Variants in NLGN1 observed in about 807,000 individuals in gnomAD.
NLGN1 encodes neuroligin 1.
In NLGN1, 12 loss-of-function variants were observed where a neutral mutation model predicts 65.5. The ratio of observed to expected loss-of-function variants is 0.18; its 90% CI spans 0.12 to 0.30. The LOEUF (loss-of-function observed/expected upper bound fraction) is 0.30, where lower values mean the gene tolerates loss of function less well. NLGN1 is among the 10% of genes least tolerant of loss of function. NLGN1 has a pLI of 1.00. For missense variants in NLGN1, 750 were observed against 1,007.1 expected (o/e 0.74, Z 3.46); for synonymous variants, 350 against 359.5 (o/e 0.97, Z 0.30).
intron 3 of NLGN1, among the ~76,000 whole-genome samples, chr3:173,655,696 A>G (rs1224831676): frequency 6.6e-6 from 1 of 152,042 alleles, no homozygotes; most frequent in Non-Finnish European, 1.5e-5. Context: ...TACCCTACCT[A>G]CATCTCAAAT....
rs71162383 is a variant in NLGN1, at chr3:174,255,435, C to CA, written c.647-19859dup. Among the ~76,000 whole-genome samples, 400 of 70,130 alleles carry CA rather than the reference C, an allele frequency of 5.7e-3. 14 individuals are homozygous for CA. Among genetic ancestry groups the CA allele is most frequent in the Non-Finnish European group, 6.5e-3 (278 of 42,518 alleles). 46.0% of individuals were successfully genotyped at this position (70,130 alleles called of 152,430 possible). ...TAGGCGATAGAGCAAGACTCTGTCT[C>CA]AAAAAAAAAAAAAAAAAAAAAGCGC... On this transcript the variant is annotated intron_variant, in intron 4 of 6. Transcript: ENST00000457714.
At chr3:173,669,269 A>G (rs545437924) in intron 3 of NLGN1, among the ~76,000 whole-genome samples, 7 of 152,294 alleles carry the variant, frequency 4.6e-5, no homozygotes, top group Non-Finnish European at 8.8e-5. Flanking sequence ...TATTGTTTCT[A>G]TTAGTTTCCC....
intron 4 of NLGN1, among the ~76,000 whole-genome samples, chr3:174,224,470 G>T (rs368104758): frequency 6.6e-6 from 1 of 152,140 alleles, no homozygotes; most frequent in African/African-American, 2.4e-5. Flanking sequence ...AGGCCGAGGC[G>T]GGTAGATCAC....
intron 3 of NLGN1, among the ~76,000 whole-genome samples, chr3:173,700,986 G>A (rs2861335): frequency 0.51 from 78,084 of 151,720 alleles, 21,410 homozygotes; most frequent in East Asian, 0.77. Flanking sequence ...TTAGCTGGGC[G>A]TGGTGGCGGG....
intron 4 of NLGN1, among the ~76,000 whole-genome samples, chr3:174,056,416 A>G (rs1412107079): frequency 2.0e-5 from 3 of 151,830 alleles, no homozygotes; most frequent in Admixed American, 6.6e-5. Context: ...ATTGAATTGT[A>G]TGTCATATAA....
chr3:173,861,334 A>C (rs1305785256), intron 4 of NLGN1, among the ~76,000 whole-genome samples: 13 of 152,030 alleles, frequency 8.6e-5, no homozygotes, highest in Admixed American at 8.5e-4. Context: ...ATAAGCCTTA[A>C]AATCCTTATG....
chr3:173,732,403 G>A (rs1772996982), intron 3 of NLGN1, among the ~76,000 whole-genome samples: 1 of 152,140 alleles, frequency 6.6e-6, no homozygotes, highest in African/African-American at 2.4e-5. Context: ...AGGATACACA[G>A]TTAATGTAGC....
intron 2 of NLGN1, among the ~76,000 whole-genome samples, chr3:173,538,668 G>A (rs1047256559): frequency 1.3e-5 from 2 of 152,178 alleles, no homozygotes; most frequent in South Asian, 2.1e-4. Flanking sequence ...TGGGAGATTA[G>A]GCTATCAGTG....
At chr3:174,168,794 A>T (rs1561206069) in intron 4 of NLGN1, among the ~76,000 whole-genome samples, 1 of 152,196 alleles carries the variant, frequency 6.6e-6, no homozygotes, top group African/African-American at 2.4e-5. Context: ...GATGGCAGGC[A>T]TAGTATTAGC....
intron 2 of NLGN1, among the ~76,000 whole-genome samples, chr3:173,583,567 C>T (rs141645596): frequency 5.3e-5 from 8 of 152,268 alleles, no homozygotes; most frequent in Non-Finnish European, 1.0e-4. Flanking sequence ...GAACCCCTCA[C>T]AATGAAAGAG....
At chr3:174,071,054 C>A (rs1739740897) in intron 4 of NLGN1, among the ~76,000 whole-genome samples, 1 of 151,766 alleles carries the variant, frequency 6.6e-6, no homozygotes, top group Non-Finnish European at 1.5e-5. Context: ...GACCTTGTCT[C>A]AAAATAAATA....
At chr3:174,261,714 AACAC>A (rs1356325136) in intron 4 of NLGN1, among the ~76,000 whole-genome samples, 1 of 140,850 alleles carries the variant, frequency 7.1e-6, no homozygotes, top group East Asian at 2.9e-4. Flanking sequence ...CAGAACTTCC[AACAC>A]TATTGAATAG....
intron 2 of NLGN1, among the ~76,000 whole-genome samples, chr3:173,437,535 C>G (rs1718357882): frequency 6.6e-6 from 1 of 152,192 alleles, no homozygotes; most frequent in Non-Finnish European, 1.5e-5. Context: ...GACATTGTGT[C>G]TAATCTCAGT....
chr3:173,925,935 A>G (rs971678705), intron 4 of NLGN1, among the ~76,000 whole-genome samples: 38 of 151,990 alleles, frequency 2.5e-4, no homozygotes, highest in African/African-American at 8.2e-4. Flanking sequence ...GAAAGCAAAG[A>G]TTTTCAAAAA....
At chr3:173,418,895 C>G (rs187347762) in intron 1 of NLGN1, among the ~76,000 whole-genome samples, 135 of 151,382 alleles carry the variant, frequency 8.9e-4, no homozygotes, top group African/African-American at 3.1e-3. Flanking sequence ...AACTCACAGG[C>G]CCTGGGCCAC....
At chr3:174,266,722 T>G (rs1305613358) in intron 4 of NLGN1, among the ~76,000 whole-genome samples, 1 of 152,214 alleles carries the variant, frequency 6.6e-6, no homozygotes, top group African/African-American at 2.4e-5. Flanking sequence ...GCATGTTATT[T>G]TTTGAACATA....
At chr3:173,400,528 T>C (rs1177653273) in intron 1 of NLGN1, among the ~76,000 whole-genome samples, 3 of 152,192 alleles carry the variant, frequency 2.0e-5, no homozygotes, top group Admixed American at 1.3e-4. Context: ...TCTTTCTTCA[T>C]TGATCCATTC....
At position 174,241,715 on chromosome 3, in the gene NLGN1, A is replaced by T. The variant is rs560821089; in HGVS notation, c.647-33600A>T. On this transcript the variant is annotated intron_variant, in intron 4 of 6. Transcript: ENST00000457714. ...GTCCCCCAGGCTGGAGTGCAGTGGC[A>T]CGATCTCGGCTCACTGCAAGCTCCG... is the stretch of plus-strand genomic sequence containing the variant. Among the ~76,000 whole-genome samples the T allele has an allele frequency of 1.4e-3, 212 of 149,534 alleles. 1 individual carries two copies. Among genetic ancestry groups the T allele is most frequent in the African/African-American group, 5.0e-3 (203 of 40,496 alleles).
intron 3 of NLGN1, among the ~76,000 whole-genome samples, chr3:173,615,633 G>C (rs1752934220): frequency 1.3e-5 from 2 of 151,744 alleles, no homozygotes; most frequent in Non-Finnish European, 2.9e-5. Flanking sequence ...ATGCACATCA[G>C]AATAAAACAC....
Sources: gnomAD v4.1 joint callset for allele counts (sites outside exome capture counted in the v4.1 genomes callset) on GRCh38, gnomAD v4.1.1 for gene constraint, MANE v1.5 for transcripts, NCBI Gene and HGNC (gene_info 2026-07-23, HGNC 2026-07-21) for gene names.